MXI1: variants seen among roughly 807,000 people sequenced by gnomAD.
MXI1 encodes the protein MAX interactor 1, dimerization protein, also known as max-interacting protein 1.
In MXI1, 18 loss-of-function variants were observed where a neutral mutation model predicts 36.9. The ratio of observed to expected loss-of-function variants is 0.49; its 90% CI spans 0.34 to 0.72. The LOEUF (loss-of-function observed/expected upper bound fraction) is 0.72. Among genes scored for constraint, MXI1 ranks in the 30% least tolerant of loss-of-function variants. MXI1 has a pLI of 0.01. For synonymous variants in MXI1, 160 were observed against 146.7 expected (o/e 1.09, Z -0.65); for missense variants, 304 against 379.1 (o/e 0.80, Z 1.64).
Position 110,279,898 on chromosome 10 carries a change from C to T in MXI1, c.553-16C>T, listed in dbSNP as rs747055014. ...CTGGACTATACACAAATGTAAAAAT[C>T]ATTTCATCATTTCAGAAACTTGAAG... On this transcript the variant is annotated splice_polypyrimidine_tract_variant and intron_variant, in intron 4 of 5. Transcript: ENST00000332674. 17 of 1,591,860 alleles carry T rather than the reference C, an allele frequency of 1.1e-5. No homozygotes were observed. The highest frequency in any genetic ancestry group is 1.5e-5 in the Non-Finnish European group (17 of 1,170,228).
At chr10:110,254,219 T>C (rs1257463294) in intron 3 of MXI1, among the ~76,000 whole-genome samples, 1 of 152,138 alleles carries the variant, frequency 6.6e-6, no homozygotes, top group Non-Finnish European at 1.5e-5. Flanking sequence ...ATTTTTGCAA[T>C]ATTTTAAACT....
At chr10:110,265,817 T>G (rs1215784441) in intron 3 of MXI1, among the ~76,000 whole-genome samples, 1 of 152,222 alleles carries the variant, frequency 6.6e-6, no homozygotes, top group African/African-American at 2.4e-5. Context: ...TGAGTGGTTA[T>G]TCCTCTGCAT....
intron 5 of MXI1, among the ~76,000 whole-genome samples, chr10:110,284,157 T>C (rs1475302488): frequency 6.6e-6 from 1 of 151,986 alleles, no homozygotes; most frequent in East Asian, 1.9e-4. Flanking sequence ...AATGTTTGGC[T>C]TTTAAGTCTG....
In MXI1 at chr10:110,285,281, A is replaced by G. The variant is rs1857401625; in HGVS notation, c.*294A>G. On this transcript the variant is annotated 3_prime_UTR_variant, in exon 6 of 6. Coordinates refer to ENST00000332674, the MANE Select transcript of MXI1 (RefSeq NM_130439.3). ...ATTTTCTTGATTTGAGTTGATTGAGAAGAGGACATTGGAGATGCCATCCTC... is the reference window on the plus strand; with the variant it reads ...ATTTTCTTGATTTGAGTTGATTGAGGAGAGGACATTGGAGATGCCATCCTC... 4 of 261,284 alleles carry G rather than the reference A, an allele frequency of 1.5e-5. No homozygotes were observed. The highest frequency in any genetic ancestry group is 2.9e-5 in the Non-Finnish European group (4 of 138,696). The allele number at this position is 261,284 out of a possible 1,614,324, so 16.2% of individuals were successfully genotyped here. A position where few individuals can be genotyped will look rare whatever the true frequency, so the allele number is the denominator to read the frequency against.
At chr10:110,284,072 C>T (rs111583215) in intron 5 of MXI1, among the ~76,000 whole-genome samples, 21 of 151,820 alleles carry the variant, frequency 1.4e-4, no homozygotes, top group African/African-American at 4.4e-4. Flanking sequence ...GGATTACGGA[C>T]GTGAGCCACT....
intron 3 of MXI1, among the ~76,000 whole-genome samples, chr10:110,278,458 G>C (rs1038319649): frequency 1.3e-5 from 2 of 152,204 alleles, no homozygotes; most frequent in African/African-American, 2.4e-5. Flanking sequence ...AGCACACTTA[G>C]ATAGGAAGCA....
At chr10:110,267,384 T>C (rs1382058855) in intron 3 of MXI1, among the ~76,000 whole-genome samples, 2 of 152,218 alleles carry the variant, frequency 1.3e-5, no homozygotes, top group Non-Finnish European at 2.9e-5. Flanking sequence ...ATCATAGTTT[T>C]TTCTGAGCCA....
chr10:110,213,750 C>G (rs568008134), intron 1 of MXI1, among the ~76,000 whole-genome samples: 16 of 152,338 alleles, frequency 1.1e-4, no homozygotes, highest in African/African-American at 3.8e-4. Flanking sequence ...GCTCATCCAT[C>G]TCTCATCTCT....
At chr10:110,252,164 C>G (rs1003846581) in intron 3 of MXI1, among the ~76,000 whole-genome samples, 1 of 151,912 alleles carries the variant, frequency 6.6e-6, no homozygotes, top group Non-Finnish European at 1.5e-5. Context: ...CTAAGAAACA[C>G]TATAAATAAA....
At chr10:110,245,793 T>A (rs1855839888) in intron 3 of MXI1, 1 of 152,176 alleles carries the variant, frequency 6.6e-6, no homozygotes, top group Non-Finnish European at 1.5e-5. Flanking sequence ...ATGAAGATGC[T>A]TTTGAAGGCT....
chr10:110,285,045 A>T lies in MXI1; in HGVS notation c.*58A>T, dbSNP rs1305687081. The T allele has an allele frequency of 1.3e-6, 2 of 1,486,906 alleles. No individual in the cohort carries two copies. The highest frequency in any genetic ancestry group is 1.8e-6 in the Non-Finnish European group (2 of 1,105,786). 92.1% of individuals were successfully genotyped at this position (1,486,906 alleles called of 1,614,324 possible). ...TATTCACTGGGCCAATTCAATACAA[A>T]CAATCTCTTAAATTGGGTTCATGAT... On this transcript the variant is annotated 3_prime_UTR_variant, in exon 6 of 6. Coordinates refer to ENST00000332674, the MANE Select transcript of MXI1 (RefSeq NM_130439.3).
At chr10:110,210,546 G>A (rs185294390) in intron 1 of MXI1, among the ~76,000 whole-genome samples, 1 of 152,242 alleles carries the variant, frequency 6.6e-6, no homozygotes, top group African/African-American at 2.4e-5. Flanking sequence ...ACAGGCTGGG[G>A]TGACCTCCGG....
At chr10:110,260,416 GGTGTGTGT>G (rs151334728) in intron 3 of MXI1, among the ~76,000 whole-genome samples, 3,197 of 144,596 alleles carry the variant, frequency 0.022, 60 homozygotes, top group African/African-American at 0.056. Context: ...CCTTGATACA[GGTGTGTGT>G]GTGTGTGTGT....
chr10:110,223,727 GTGGGAAAGTCCAGATCCAAAATGACC>G (rs1182189035), intron 1 of MXI1, among the ~76,000 whole-genome samples: 7 of 152,040 alleles, frequency 4.6e-5, no homozygotes, highest in African/African-American at 1.4e-4. Flanking sequence ...CCAACACCCA[GTGGGAAAGTCCAGATCCAAAATGACC>G]TGGGAAAGTC....
chr10:110,279,148 A>G, intron 3 of MXI1, 32 bp from the exon 4 acceptor site: 1 of 1,470,130 alleles, frequency 6.8e-7, no homozygotes, highest in Non-Finnish European at 9.5e-7. Flanking sequence ...AAATAACCAG[A>G]CTGTGCTGAT....
intron 3 of MXI1, among the ~76,000 whole-genome samples, chr10:110,259,299 A>G (rs1031612898): frequency 1.3e-5 from 2 of 152,096 alleles, no homozygotes; most frequent in African/African-American, 4.8e-5. Flanking sequence ...AGATGATGCA[A>G]TGTAAACAAA....
At chr10:110,231,607 A>G (rs1364038650) in intron 2 of MXI1, among the ~76,000 whole-genome samples, 3 of 152,116 alleles carry the variant, frequency 2.0e-5, no homozygotes, top group Non-Finnish European at 4.4e-5. Flanking sequence ...ATTAAAATAA[A>G]TGCTTGATTT....
At chr10:110,240,526 T>C (rs1322299481) in intron 2 of MXI1, among the ~76,000 whole-genome samples, 2 of 152,072 alleles carry the variant, frequency 1.3e-5, no homozygotes, top group African/African-American at 4.8e-5. Flanking sequence ...TTTTTAAAAA[T>C]GAGATGTACT....
At chr10:110,263,739 C>A (rs1168070630) in intron 3 of MXI1, among the ~76,000 whole-genome samples, 1 of 152,154 alleles carries the variant, frequency 6.6e-6, no homozygotes, top group Non-Finnish European at 1.5e-5. Flanking sequence ...CTATGATTTT[C>A]ATCTGCAGTT....
Sources: gnomAD v4.1 joint callset for allele counts (sites outside exome capture counted in the v4.1 genomes callset) on GRCh38, gnomAD v4.1.1 for gene constraint, MANE v1.5 for transcripts, NCBI Gene and HGNC (gene_info 2026-07-23, HGNC 2026-07-21) for gene names.